Variants in RUFY3 observed in about 807,000 individuals in gnomAD.
RUFY3 encodes the protein RUN and FYVE domain containing 3.
In RUFY3, 34 loss-of-function variants were observed where a neutral mutation model predicts 84.0. That is an observed-to-expected ratio of 0.40 (90% CI 0.31 to 0.54). RUFY3 has a LOEUF of 0.54. Among genes scored for constraint, RUFY3 ranks in the 20% least tolerant of loss-of-function variants. The pLI, the probability that RUFY3 is intolerant of heterozygous loss-of-function variation, is 0.39. For synonymous variants in RUFY3, 242 were observed against 252.9 expected, an observed-to-expected ratio of 0.96 and a Z score of 0.41; for missense variants, 507 against 736.8, an observed-to-expected ratio of 0.69 and a Z score of 3.61.
chr4:70,748,467 A>G (rs1400947815), intron 1 of RUFY3, among the ~76,000 whole-genome samples: 1 of 152,228 alleles, frequency 6.6e-6, no homozygotes, highest in Non-Finnish European at 1.5e-5. Context: ...TGAAGTACAA[A>G]TGTACAATAT....
chr4:70,794,924 CT>C (rs754834531), intron 14 of RUFY3, 30 bp downstream of exon 14: 1 of 1,438,074 alleles, frequency 7.0e-7, no homozygotes, highest in African/African-American at 1.4e-5. Flanking sequence ...TGTTCTTTTA[CT>C]TAATTTCAGT....
At chr4:70,706,936 G>A (rs1309798951) in intron 1 of RUFY3, among the ~76,000 whole-genome samples, 7 of 152,094 alleles carry the variant, frequency 4.6e-5, no homozygotes. Flanking sequence ...TTCTTTCTGT[G>A]TAATCTACAT....
chr4:70,798,462 G>T (rs890965999), intron 14 of RUFY3, among the ~76,000 whole-genome samples: 12 of 152,138 alleles, frequency 7.9e-5, no homozygotes, highest in African/African-American at 2.7e-4. Flanking sequence ...AGCAGTGGTT[G>T]TGTGTGCCTC....
At chr4:70,742,465 C>T (rs1413723756) in intron 1 of RUFY3, among the ~76,000 whole-genome samples, 1 of 152,128 alleles carries the variant, frequency 6.6e-6, no homozygotes, top group Non-Finnish European at 1.5e-5. Context: ...TACTTTGTTC[C>T]TGTGACATCT....
rs551655760 is a variant in RUFY3, at chr4:70,737,236, T to A, written c.178+14485T>A. Among the ~76,000 whole-genome samples the A allele has an allele frequency of 2.8e-4, 43 of 152,232 alleles. 1 individual carries two copies. The South Asian group carries it at 7.7e-3, about 27-fold the overall frequency. Reference sequence around the variant, plus strand: ...GAAAACCTCATGATATTACTTTCTCTACTTTTTTTTTTTAAGCTAACAGTA... The same window carrying A: ...GAAAACCTCATGATATTACTTTCTCAACTTTTTTTTTTTAAGCTAACAGTA... On this transcript the variant is annotated intron_variant, in intron 1 of 17. Transcript: ENST00000381006.
intron 5 of RUFY3, among the ~76,000 whole-genome samples, chr4:70,772,730 G>A (rs1727175821): frequency 6.6e-6 from 1 of 151,654 alleles, no homozygotes; most frequent in African/African-American, 2.4e-5. Context: ...GTGAGATCCT[G>A]GCTTACCGCA....
At chr4:70,788,531 T>A (rs1730289570) in intron 10 of RUFY3, among the ~76,000 whole-genome samples, 1 of 152,172 alleles carries the variant, frequency 6.6e-6, no homozygotes, top group Admixed American at 6.5e-5. Flanking sequence ...GTCTCAAATA[T>A]GTATATATTT....
At chr4:70,778,927 G>A (rs1303383504) in intron 8 of RUFY3, among the ~76,000 whole-genome samples, 1 of 152,144 alleles carries the variant, frequency 6.6e-6, no homozygotes, top group Non-Finnish European at 1.5e-5. Flanking sequence ...TTATTGCAGG[G>A]ATCTCATTTA....
intron 1 of RUFY3, among the ~76,000 whole-genome samples, chr4:70,737,226 T>C (rs559281973): frequency 3.3e-5 from 5 of 152,262 alleles, no homozygotes; most frequent in African/African-American, 2.4e-5. Context: ...CCTCATGATA[T>C]TACTTTCTCT....
At chr4:70,792,126 A>T (rs1030776405) in intron 12 of RUFY3, 11 of 985,512 alleles carry the variant, frequency 1.1e-5, no homozygotes, top group Non-Finnish European at 3.6e-6. Flanking sequence ...CTCCTCTCCT[A>T]TTAACAAAAA....
intron 12 of RUFY3, chr4:70,792,872 C>T (rs1295100445): frequency 7.1e-6 from 7 of 985,272 alleles, no homozygotes; most frequent in Non-Finnish European, 8.4e-6. Flanking sequence ...TAATTTGCAC[C>T]TATATAAACA....
chr4:70,800,908 A>G lies in RUFY3; in HGVS notation c.1622+703A>G, dbSNP rs566566508. On this transcript the variant is annotated intron_variant, in intron 15 of 17. Transcript: ENST00000381006. ...AATAAAAAAAAAAGTTCAAATAAGTACTCTGATTTCTCTTATGTCTCATCT... is the reference window on the plus strand; with the variant it reads ...AATAAAAAAAAAAGTTCAAATAAGTGCTCTGATTTCTCTTATGTCTCATCT... Among the ~76,000 whole-genome samples the G allele has an allele frequency of 8.6e-5, 13 of 151,976 alleles. No individual in the cohort carries two copies. The South Asian group carries it at 1.9e-3, about 22-fold the overall frequency.
At chr4:70,771,157 A>G (rs1387707290) in intron 5 of RUFY3, among the ~76,000 whole-genome samples, 1 of 152,216 alleles carries the variant, frequency 6.6e-6, no homozygotes, top group African/African-American at 2.4e-5. Flanking sequence ...GTACTGTGAG[A>G]GTTACCAAAA....
intron 1 of RUFY3, among the ~76,000 whole-genome samples, chr4:70,755,665 A>G (rs1723880221): frequency 6.6e-6 from 1 of 152,190 alleles, no homozygotes. Flanking sequence ...TTGAAAGAAC[A>G]TTGAGGTCGG....
chr4:70,723,772 A>G (rs1439975983), intron 1 of RUFY3, among the ~76,000 whole-genome samples: 1 of 152,218 alleles, frequency 6.6e-6, no homozygotes, highest in African/African-American at 2.4e-5. Context: ...GACAGGACAA[A>G]GAAGACCATA....
chr4:70,805,117 G>C (rs1050874246), intron 17 of RUFY3, among the ~76,000 whole-genome samples: 1 of 152,152 alleles, frequency 6.6e-6, no homozygotes, highest in African/African-American at 2.4e-5. Context: ...GATGAAGAAC[G>C]TTGAACATCT....
Position 70,783,149 on chromosome 4 carries a change from A to G in RUFY3, c.953A>G (p.Glu318Gly). 1 of 1,610,960 alleles carries G rather than the reference A, an allele frequency of 6.2e-7. No homozygotes were observed. The highest frequency in any genetic ancestry group is 8.5e-7 in the Non-Finnish European group (1 of 1,177,466). Reference sequence around the variant, plus strand: ...CAAGAAGAAATGGAACGAGTTAAAGAGGAAAGTTCCTACATACTGGAATCC... The same window carrying G: ...CAAGAAGAAATGGAACGAGTTAAAGGGGAAAGTTCCTACATACTGGAATCC... The part of the protein sequence containing the change: ...TLQEEMERVK[E>G]ESSYILESNR... Residue 318 changes from glutamate (E) to glycine (G), a missense_variant, in exon 9 of 18, where the codon GAG becomes GGG. Glu to Gly is a moderately conservative substitution (Grantham distance 98, BLOSUM62 -2). Transcript: ENST00000381006.
Position 70,705,472 on chromosome 4 carries a change from G to A in RUFY3, c.358+178G>A, listed in dbSNP as rs989827705. On this transcript the variant is annotated intron_variant, in intron 1 of 11. Coordinates refer to the RUFY3 transcript ENST00000417478. ...GTTCTCCCGAGGCGCCCGGTGAGGA[G>A]GCAGCGGGACGACCGCGGTTCGGGC... Among the ~76,000 whole-genome samples the A allele has an allele frequency of 6.6e-5, 10 of 152,156 alleles. No individual in the cohort carries two copies. In the South Asian group the frequency reaches 1.4e-3, roughly 22 times the overall value.
chr4:70,709,894 A>G (rs1740773811), intron 1 of RUFY3, among the ~76,000 whole-genome samples: 1 of 152,232 alleles, frequency 6.6e-6, no homozygotes, highest in African/African-American at 2.4e-5. Flanking sequence ...CCACTCACCA[A>G]GTAGCAGCTT....
Sources: gnomAD v4.1 joint callset for allele counts (sites outside exome capture counted in the v4.1 genomes callset) on GRCh38, gnomAD v4.1.1 for gene constraint, MANE v1.5 for transcripts, NCBI Gene and HGNC (gene_info 2026-07-23, HGNC 2026-07-21) for gene names.